The following CTNNA2 variants were observed in gnomAD, a reference collection of about 807,000 sequenced individuals.
CTNNA2 encodes catenin alpha-2.
Under a neutral mutation model 101.0 loss-of-function variants are expected in CTNNA2, and 42 were observed. The observed-to-expected ratio is 0.42, with a 90% CI of 0.32 to 0.54. The LOEUF (loss-of-function observed/expected upper bound fraction) is 0.54. CTNNA2 is among the 20% of genes least tolerant of loss of function. The probability of loss-of-function intolerance (pLI) is 0.14; values close to 1 mark genes in which losing one functional copy is unlikely to be tolerated. For synonymous variants in CTNNA2, 450 were observed against 456.4 expected, an observed-to-expected ratio of 0.99 and a Z score of 0.18; for missense variants, 871 against 1,223.1, an observed-to-expected ratio of 0.71 and a Z score of 4.29.
intron 7 of CTNNA2, among the ~76,000 whole-genome samples, chr2:80,154,556 T>C (rs532926525): frequency 4.9e-4 from 74 of 151,054 alleles, no homozygotes; most frequent in African/African-American, 1.5e-3. Context: ...CAGAAAGTCA[T>C]ACTCTATTAG....
intron 7 of CTNNA2, among the ~76,000 whole-genome samples, chr2:80,145,360 G>A (rs1209328406): frequency 6.6e-6 from 1 of 152,118 alleles, no homozygotes; most frequent in Admixed American, 6.5e-5. Context: ...GAGTCCACTG[G>A]TTACCAGGCA....
intron 15 of CTNNA2, among the ~76,000 whole-genome samples, chr2:80,593,787 T>C (rs1696715320): frequency 6.6e-6 from 1 of 152,174 alleles, no homozygotes; most frequent in Non-Finnish European, 1.5e-5. Context: ...ATGCATATAT[T>C]GTAGCATATA....
At chr2:80,591,466 T>TTTTTTTTTTTTTTTG in intron 15 of CTNNA2, among the ~76,000 whole-genome samples, 1 of 145,920 alleles carries the variant, frequency 6.9e-6, no homozygotes, top group Non-Finnish European at 1.5e-5. Context: ...TGTTTTTTTT[T>TTTTTTTTTTTTTTTG]TTTTTTTTTT....
At chr2:80,400,915 A>G (rs985316767) in intron 8 of CTNNA2, among the ~76,000 whole-genome samples, 1 of 152,184 alleles carries the variant, frequency 6.6e-6, no homozygotes, top group Non-Finnish European at 1.5e-5. Context: ...CAGTATCATA[A>G]GCCAGTGTTT....
chr2:80,153,223 G>T (rs946718061), intron 7 of CTNNA2, among the ~76,000 whole-genome samples: 1 of 152,156 alleles, frequency 6.6e-6, no homozygotes, highest in East Asian at 1.9e-4. Context: ...AGGTGCCATT[G>T]TTTCCCTCTA....
At chr2:79,892,803 C>T (rs529175289) in intron 6 of CTNNA2, among the ~76,000 whole-genome samples, 123 of 152,252 alleles carry the variant, frequency 8.1e-4, no homozygotes, top group African/African-American at 2.8e-3. Flanking sequence ...ATTGGAAGTT[C>T]CCACTGCAAC....
chr2:80,004,202 T>G (rs1430054358), intron 7 of CTNNA2, among the ~76,000 whole-genome samples: 2 of 152,212 alleles, frequency 1.3e-5, no homozygotes, highest in African/African-American at 2.4e-5. Flanking sequence ...TATATTTATT[T>G]GGGCGCAATA....
intron 9 of CTNNA2, among the ~76,000 whole-genome samples, chr2:80,441,139 T>TA (rs1245321686): frequency 2.0e-5 from 3 of 152,144 alleles, no homozygotes; most frequent in Non-Finnish European, 4.4e-5. Context: ...CAAGTACTTG[T>TA]GGAAGTAAAT....
intron 7 of CTNNA2, among the ~76,000 whole-genome samples, chr2:80,023,737 C>A (rs1425256488): frequency 6.6e-6 from 1 of 152,136 alleles, no homozygotes; most frequent in Non-Finnish European, 1.5e-5. Context: ...ACTATGTGTG[C>A]TACATTGGGG....
chr2:80,454,537 T>C (rs1683796961), intron 9 of CTNNA2, among the ~76,000 whole-genome samples: 2 of 152,242 alleles, frequency 1.3e-5, no homozygotes, highest in Non-Finnish European at 2.9e-5. Context: ...CCCTTGTCCT[T>C]GAACGTGTTC....
intron 4 of CTNNA2, among the ~76,000 whole-genome samples, chr2:79,473,841 T>A (rs980527329): frequency 1.3e-5 from 2 of 152,098 alleles, no homozygotes; most frequent in African/African-American, 4.8e-5. Context: ...AGAAGTTAAA[T>A]AAAATATACT....
rs1349983998 is a variant in CTNNA2 at position 80,487,694 on chromosome 2, A to G, written c.1291-57288A>G. Among the ~76,000 whole-genome samples, 3 of 152,212 alleles carry G rather than the reference A, an allele frequency of 2.0e-5. No homozygotes were observed. In the East Asian group the frequency reaches 5.8e-4, roughly 29 times the overall value. On this transcript the variant is annotated intron_variant, in intron 9 of 18. Coordinates refer to ENST00000402739, the MANE Select transcript of CTNNA2 (RefSeq NM_001282597.3). ...GAGATTTCAGTGGGGACACCGCCAA[A>G]CCATATCAATAGTATAATTTATGTA... is the stretch of plus-strand genomic sequence containing the variant.
Position 79,211,831 on chromosome 2 carries a change from G to A in CTNNA2, c.-406+13755G>A, listed in dbSNP as rs1021755290. 2.0e-5 allele frequency among the ~76,000 whole-genome samples: 3 copies of A among 152,128 alleles called. No homozygotes were observed. In the East Asian group the frequency reaches 5.8e-4, roughly 29 times the overall value. The stretch of plus-strand genomic sequence containing the variant: ...AGTGTTGGGATGGCAACAATTTTGG[G>A]GGATGGTATGGAGAGATAGTGGGCG... On this transcript the variant is annotated intron_variant, in intron 2 of 21. Transcript: ENST00000466387.
chr2:79,635,351 G>A (rs1400124336), intron 1 of CTNNA2, among the ~76,000 whole-genome samples: 2 of 151,870 alleles, frequency 1.3e-5, no homozygotes, highest in African/African-American at 2.4e-5. Flanking sequence ...AGAATGGCGT[G>A]AACCCGGGAG....
intron 1 of CTNNA2, among the ~76,000 whole-genome samples, chr2:79,650,182 G>A (rs1446056170): frequency 7.3e-6 from 1 of 136,846 alleles, no homozygotes; most frequent in Non-Finnish European, 1.6e-5. Flanking sequence ...TCGGGGGGGG[G>A]GGGGGAGGGG....
At chr2:79,975,202 T>C (rs1690750031) in intron 7 of CTNNA2, among the ~76,000 whole-genome samples, 1 of 152,200 alleles carries the variant, frequency 6.6e-6, no homozygotes, top group South Asian at 2.1e-4. Context: ...CTGGGTTCTC[T>C]CCATGGTATC....
intron 7 of CTNNA2, among the ~76,000 whole-genome samples, chr2:79,987,330 A>C (rs1266183171): frequency 6.6e-6 from 1 of 151,984 alleles, no homozygotes; most frequent in African/African-American, 2.4e-5. Flanking sequence ...CACTGTCCTG[A>C]TTTTCTAGCA....
At chr2:79,225,937 TTTAAAA>T (rs1572988245) in intron 2 of CTNNA2, among the ~76,000 whole-genome samples, 1 of 152,212 alleles carries the variant, frequency 6.6e-6, no homozygotes, top group Non-Finnish European at 1.5e-5. Flanking sequence ...TTGCTACCTC[TTTAAAA>T]TTAATGTCTC....
chr2:79,769,908 C>G (rs1673449540), intron 3 of CTNNA2, among the ~76,000 whole-genome samples: 1 of 152,146 alleles, frequency 6.6e-6, no homozygotes, highest in African/African-American at 2.4e-5. Flanking sequence ...AGTGGGGTAT[C>G]CATTCACCAA....
Sources: gnomAD v4.1 joint callset for allele counts (sites outside exome capture counted in the v4.1 genomes callset) on GRCh38, gnomAD v4.1.1 for gene constraint, MANE v1.5 for transcripts, NCBI Gene and HGNC (gene_info 2026-07-23, HGNC 2026-07-21) for gene names.